Variants in GNAS observed in about 807,000 individuals in gnomAD.
The protein encoded by GNAS is GNAS complex locus.
A neutral mutation model predicts 54.5 loss-of-function variants in GNAS; 8 were observed. The observed-to-expected ratio is 0.15, with a 90% CI of 0.09 to 0.26. The LOEUF (loss-of-function observed/expected upper bound fraction) is 0.26. Among genes scored for constraint, GNAS ranks in the 10% least tolerant of loss-of-function variants. GNAS has a pLI of 1.00. For missense variants in GNAS, 170 were observed against 529.8 expected (o/e 0.32, Z 6.67); for synonymous variants, 204 against 191.4 (o/e 1.07, Z -0.54).
chr20:58,891,913 GGCGCCCCGCAGGCCGC>G (rs1416931851), intron 1 of GNAS, 48 bp downstream of exon 1: 1 of 973,276 alleles, frequency 1.0e-6, no homozygotes, highest in African/African-American at 1.8e-5. Flanking sequence ...GCCCTCGAAG[GGCGCCCCGCAGGCCGC>G]GCGCGCCGAG....
At position 58,910,401 on chromosome 20, in the gene GNAS, G is replaced by A. The variant is rs2146300623; in HGVS notation, c.1038G>A (p.Leu346=). 6.2e-7 allele frequency: 1 copy of A among 1,607,546 alleles called. No homozygotes were observed. Among genetic ancestry groups the A allele is most frequent in the Non-Finnish European group, 8.5e-7 (1 of 1,174,084 alleles). Residue 346 remains leucine, a splice_region_variant and synonymous_variant, in exon 12 of 13, where the codon CTG becomes CTA. Transcript: ENST00000371085. This position sits in a 1 kb window ranked among gnomAD's most constrained non-coding sequence, Gnocchi z 5.8. ...AGTACTTCATTCGAGATGAGTTTCT[G>A]GTGAGTCGAGCCTGTCTTTAGTTTC... is the stretch of plus-strand genomic sequence containing the variant. ...RAKYFIRDEF[L]RISTASGDGR...
intron 1 of GNAS, chr20:58,852,978 G>C: frequency 1.7e-6 from 2 of 1,184,598 alleles, no homozygotes; most frequent in Admixed American, 4.1e-5. Flanking sequence ...AGAGGAGGGC[G>C]TAAGGATAGA....
rs761288443 is a variant in GNAS at position 58,909,648 on chromosome 20, C to T, written c.719-36C>T. 6.2e-7 allele frequency: 1 copy of T among 1,614,192 alleles called. No homozygotes were observed. The highest frequency in any genetic ancestry group is 2.2e-5 in the East Asian group (1 of 44,884). ...TCTGTGTTGTTAGGGATCAGGGTCG[C>T]TGCTCACGCTCTTGGCTTTGCTCTC... On this transcript the variant is annotated intron_variant, in intron 9 of 12. Coordinates refer to ENST00000371085, the MANE Select transcript of GNAS (RefSeq NM_000516.7). The surrounding 1 kb of genome is among the most constrained non-coding windows in gnomAD (Gnocchi z 7.3).
chr20:58,850,438 T>G, intron 1 of GNAS: 1 of 397,700 alleles, frequency 2.5e-6, no homozygotes, highest in Non-Finnish European at 4.4e-6. Flanking sequence ...AATGGTACTT[T>G]GGGGGTGAGC....
At chr20:58,905,287 T>C in intron 5 of GNAS, 96 bp from the exon 6 acceptor site, 1 of 779,332 alleles carries the variant, frequency 1.3e-6, no homozygotes, top group Non-Finnish European at 2.3e-6. Context: ...CAAGTGTCGG[T>C]CACATAGGGA....
intron 1 of GNAS, among the ~76,000 whole-genome samples, chr20:58,871,071 CT>C: frequency 6.6e-6 from 1 of 152,344 alleles, no homozygotes; most frequent in South Asian, 2.1e-4. Context: ...CCTTAGAGCT[CT>C]TCCATGTTCG....
rs1335537875 is a variant in GNAS, at chr20:58,898,517, T to G, written c.213-424T>G. On this transcript the variant is annotated intron_variant, in intron 2 of 12. Coordinates refer to ENST00000371085, the MANE Select transcript of GNAS (RefSeq NM_000516.7). The stretch of plus-strand genomic sequence containing the variant: ...GCAGAAATCTCCCCCGTTTATGCCT[T>G]TATGCCTTAAGTTACAACCTTGGGA... The G allele has an allele frequency of 3.0e-5, 6 of 197,358 alleles. No individual in the cohort carries two copies. The East Asian group carries it at 6.6e-4, about 22-fold the overall frequency. The allele number at this position is 197,358 out of a possible 1,614,324, so 12.2% of individuals were successfully genotyped here. A position where few individuals can be genotyped will look rare whatever the true frequency, so the allele number is the denominator to read the frequency against.
upstream of GNAS, among the ~76,000 whole-genome samples, chr20:58,887,439 T>A (rs1479653977): frequency 6.6e-6 from 1 of 152,180 alleles, no homozygotes; most frequent in Non-Finnish European, 1.5e-5. Context: ...CGGTTCTAAT[T>A]TAGGTGGTGG....
At chr20:58,886,161 A>C (rs1568964254) in intron 1 of GNAS, among the ~76,000 whole-genome samples, 1 of 152,238 alleles carries the variant, frequency 6.6e-6, no homozygotes, top group African/African-American at 2.4e-5. Flanking sequence ...AACTGCCTTT[A>C]TCACCACGAA....
chr20:58,844,780 A>AGT (rs2085880030), intron 1 of GNAS, among the ~76,000 whole-genome samples: 1 of 151,904 alleles, frequency 6.6e-6, no homozygotes, highest in African/African-American at 2.4e-5. Flanking sequence ...CCCGGCCTAC[A>AGT]GTGTGAGACT....
chr20:58,876,619 C>T (rs2087837788), intron 1 of GNAS: 1 of 152,134 alleles, frequency 6.6e-6, no homozygotes, highest in African/African-American at 2.4e-5. Context: ...TTATTTCAGA[C>T]ACACAAGCAC....
intron 2 of GNAS, among the ~76,000 whole-genome samples, chr20:58,897,060 T>TA (rs1162262543): frequency 4.6e-5 from 7 of 152,292 alleles, no homozygotes; most frequent in South Asian, 2.1e-4. Context: ...AATAGTCCTG[T>TA]TAGTTGAGGA....
At chr20:58,850,448 C>T (rs547972515) in intron 1 of GNAS, 2 of 397,592 alleles carry the variant, frequency 5.0e-6, no homozygotes, top group East Asian at 3.6e-5. Flanking sequence ...TGGGGGTGAG[C>T]GCGAGGCCTG....
At position 58,855,061 on chromosome 20, in the gene GNAS, G is replaced by A. The variant is rs776888163; in HGVS notation, c.43+14175G>A. The A allele has an allele frequency of 1.2e-6, 2 of 1,613,090 alleles. No individual in the cohort carries two copies. The highest frequency in any genetic ancestry group is 2.2e-5 in the South Asian group (2 of 91,092). ...TGGTTTCAGCATCGGCGAAATCGCC[G>A]CCGCCGAAAGCCCCAGCGCAACTTA... On this transcript the variant is annotated intron_variant, in intron 1 of 12. Transcript: ENST00000306090.
At chr20:58,890,999 G>C (rs970135670), upstream of GNAS, among the ~76,000 whole-genome samples, 1 of 151,296 alleles carries the variant, frequency 6.6e-6, no homozygotes. Flanking sequence ...GCGGGAGGGG[G>C]AGGAGGCCTC....
chr20:58,860,357 G>A (rs954515220), intron 1 of GNAS, among the ~76,000 whole-genome samples: 4 of 145,340 alleles, frequency 2.8e-5, no homozygotes, highest in Non-Finnish European at 6.1e-5. Context: ...GTTTTGTTTT[G>A]TTTTGTTTTT....
At position 58,863,674 on chromosome 20, in the gene GNAS, C is replaced by T. The variant is rs2145644844; in HGVS notation, c.43+22788C>T. 1 of 152,510 alleles carries T rather than the reference C, an allele frequency of 6.6e-6. No homozygotes were observed. Among genetic ancestry groups the T allele is most frequent in the Admixed American group, 6.5e-5 (1 of 15,290 alleles). The allele number at this position is 152,510 out of a possible 1,614,324, so 9.4% of individuals were successfully genotyped here. On this transcript the variant is annotated intron_variant, in intron 1 of 12. Coordinates refer to the GNAS transcript ENST00000306090. The surrounding 1 kb of genome is among the most constrained non-coding windows in gnomAD (Gnocchi z 4.1). ...ACCACTGAGTGAGCATCGATTCTTA[C>T]AAGGAAATTAAGACTTGGGCTGCAA...
Position 58,909,446 on chromosome 20 carries a change from A to C in GNAS, c.659+23A>C, listed in dbSNP as rs1307658866. On this transcript the variant is annotated intron_variant, in intron 8 of 12. Coordinates refer to ENST00000371085, the MANE Select transcript of GNAS (RefSeq NM_000516.7). The surrounding 1 kb of genome is among the most constrained non-coding windows in gnomAD (Gnocchi z 7.3). ...CCAGTAAGCCAACTGTTACCTTTTT[A>C]TATAACAGAGATCATGGTTTCTTGA... 6.2e-7 allele frequency: 1 copy of C among 1,610,396 alleles called. No homozygotes were observed. Among genetic ancestry groups the C allele is most frequent in the South Asian group, 1.1e-5 (1 of 91,014 alleles).
At chr20:58,882,259 C>T (rs948799283) in intron 1 of GNAS, among the ~76,000 whole-genome samples, 1 of 152,270 alleles carries the variant, frequency 6.6e-6, no homozygotes, top group East Asian at 1.9e-4. Context: ...TTAGTAGAGA[C>T]GGGGTTTCAC....
Sources: gnomAD v4.1 joint callset for allele counts (sites outside exome capture counted in the v4.1 genomes callset) on GRCh38, gnomAD v4.1.1 for gene constraint, Gnocchi (gnomAD v3.1) non-coding constraint, MANE v1.5 for transcripts, NCBI Gene and HGNC (gene_info 2026-07-23, HGNC 2026-07-21) for gene names.